ISLR2: variants seen among roughly 807,000 people sequenced by gnomAD.
The protein encoded by ISLR2 is immunoglobulin superfamily containing leucine rich repeat 2.
ISLR2 carries 16 observed loss-of-function variants against 25.5 expected under a neutral mutation model. The ratio of observed to expected loss-of-function variants is 0.63; its 90% CI spans 0.43 to 0.95. ISLR2 has a LOEUF of 0.95. Among genes scored for constraint, ISLR2 ranks in the 40% least tolerant of loss-of-function variants. ISLR2 has a pLI of 0.00. For synonymous variants in ISLR2, 508 were observed against 486.6 expected (o/e 1.04, Z -0.58); for missense variants, 883 against 1,030.7 (o/e 0.86, Z 1.96).
chr15:74,133,912 A>G lies in ISLR2; in HGVS notation c.1158A>G (p.Gly386=), dbSNP rs2072494623. The change falls in exon 3 of 3, where the codon GGA becomes GGG. Residue 386 remains glycine, a synonymous_variant. Transcript: ENST00000453268. The part of the protein sequence containing the change: ...GPPKHAPGAG[G]EPDGQAPTSE... ...CAAAACACGCGCCTGGCGCCGGGGG[A>G]GAACCCGACGGACAGGCCCCGACCT... 2 of 1,604,230 alleles carry G rather than the reference A, an allele frequency of 1.2e-6. No individual in the cohort carries two copies. The highest frequency in any genetic ancestry group is 1.7e-5 in the Admixed American group (1 of 58,374).
chr15:74,108,374 C>T (rs1195074464), intron 2 of ISLR2, among the ~76,000 whole-genome samples: 2 of 152,162 alleles, frequency 1.3e-5, no homozygotes, highest in Non-Finnish European at 2.9e-5. Flanking sequence ...TCCCCACCAG[C>T]CAGGAATTCT....
At chr15:74,118,352 T>TCACAGGAC (rs957758424) in intron 2 of ISLR2, among the ~76,000 whole-genome samples, 2 of 152,100 alleles carry the variant, frequency 1.3e-5, no homozygotes, top group African/African-American at 4.8e-5. Flanking sequence ...CAGGGCGAGA[T>TCACAGGAC]CACAGGACCA....
intron 2 of ISLR2, among the ~76,000 whole-genome samples, chr15:74,114,883 G>C (rs2072199171): frequency 6.6e-6 from 1 of 152,148 alleles, no homozygotes; most frequent in African/African-American, 2.4e-5. Context: ...AGTGGTCTTG[G>C]TGGATTGAGG....
rs1262703190 is a variant in ISLR2, at chr15:74,115,566, G to A, written n.228+11652G>A. Among the ~76,000 whole-genome samples, 6 of 152,226 alleles carry A rather than the reference G, an allele frequency of 3.9e-5. No individual in the cohort carries two copies. In the East Asian group the frequency reaches 1.2e-3, roughly 29 times the overall value. ...AAAAATTAGCCAGGCATGGTGGTAC[G>A]CAACTGTAGTCCCAGCTACTTGGGA... On this transcript the variant is annotated intron_variant and non_coding_transcript_variant, in intron 2 of 3. Coordinates refer to the ISLR2 transcript ENST00000561975.
intron 1 of ISLR2, among the ~76,000 whole-genome samples, chr15:74,102,552 G>C (rs1369668967): frequency 1.3e-5 from 2 of 150,748 alleles, no homozygotes; most frequent in African/African-American, 2.5e-5. Context: ...CACTTGCAAG[G>C]CTTGTGAAAT....
intron 2 of ISLR2, among the ~76,000 whole-genome samples, chr15:74,111,346 G>T (rs2072165990): frequency 6.6e-6 from 1 of 151,962 alleles, no homozygotes; most frequent in African/African-American, 2.4e-5. Context: ...CTGGAGTGCA[G>T]TGGCATGATC....
chr15:74,105,501 A>AG (rs1458098669), intron 2 of ISLR2, among the ~76,000 whole-genome samples: 3 of 93,146 alleles, frequency 3.2e-5, no homozygotes, highest in Non-Finnish European at 6.5e-5. Flanking sequence ...CCCGGCCAGC[A>AG]GCAGTGTGGG....
chr15:74,117,648 ACT>A (rs2072221165), intron 2 of ISLR2, among the ~76,000 whole-genome samples: 1 of 152,104 alleles, frequency 6.6e-6, no homozygotes, highest in African/African-American at 2.4e-5. Flanking sequence ...GTGCCACTGC[ACT>A]CCAGACTGGG....
intron 2 of ISLR2, chr15:74,103,934 C>T (rs1182864860): frequency 1.3e-5 from 2 of 151,852 alleles, no homozygotes; most frequent in Non-Finnish European, 2.9e-5. Flanking sequence ...CTGAGGCCTC[C>T]CCGGCCATGC....
intron 2 of ISLR2, among the ~76,000 whole-genome samples, chr15:74,109,785 C>T (rs918310574): frequency 1.3e-5 from 2 of 152,140 alleles, no homozygotes; most frequent in Non-Finnish European, 2.9e-5. Flanking sequence ...CCACTAATCA[C>T]AAATTTCCTT....
At chr15:74,115,389 G>A (rs1278423068) in intron 2 of ISLR2, among the ~76,000 whole-genome samples, 1 of 152,204 alleles carries the variant, frequency 6.6e-6, no homozygotes, top group Non-Finnish European at 1.5e-5. Flanking sequence ...ATGTCTACCA[G>A]TAAATAAAAC....
upstream of ISLR2, chr15:74,128,157 C>A (rs762211811): frequency 3.3e-6 from 1 of 299,248 alleles, no homozygotes; most frequent in African/African-American, 2.3e-5. Flanking sequence ...CGGACGGCGC[C>A]GGACGAGGTG....
chr15:74,133,938 C>T lies in ISLR2; in HGVS notation c.1184C>T (p.Ser395Phe), dbSNP rs777831915. 1.2e-6 allele frequency: 2 copies of T among 1,605,522 alleles called. No homozygotes were observed. The highest frequency in any genetic ancestry group is 1.7e-6 in the Non-Finnish European group (2 of 1,176,246). The part of the protein sequence containing the change: ...GGEPDGQAPT[S>F]ERKSTAKGRG... The stretch of plus-strand genomic sequence containing the variant: ...GAACCCGACGGACAGGCCCCGACCT[C>T]TGAGCGCAAGTCCACAGCCAAGGGC... The change falls in exon 3 of 3, where the codon TCT (serine) becomes TTT (phenylalanine). Residue 395 changes from serine to phenylalanine, a missense_variant. Physicochemically the swap from Ser to Phe is radical, Grantham distance 155 (BLOSUM62 -2). Transcript: ENST00000453268.
chr15:74,117,412 G>C (rs2072219044), intron 2 of ISLR2, among the ~76,000 whole-genome samples: 1 of 152,026 alleles, frequency 6.6e-6, no homozygotes, highest in African/African-American at 2.4e-5. Context: ...AATATCTTAG[G>C]GCTCACACCT....
At chr15:74,127,191 T>G (rs1269907194), upstream of ISLR2, 1 of 152,216 alleles carries the variant, frequency 6.6e-6, no homozygotes, top group Non-Finnish European at 1.5e-5. Context: ...CTGAGTGCAG[T>G]TGCAACAGAA....
At position 74,135,288 on chromosome 15, in the gene ISLR2, C is replaced by G. The variant is rs1002141237; in HGVS notation, c.*296C>G. On this transcript the variant is annotated 3_prime_UTR_variant, in exon 3 of 3. Transcript: ENST00000453268. ...GCAGACGGTGGGCGATATCTATGTC[C>G]CTCCATTCCCGTCGCGATTATCTGC... 2.7e-6 allele frequency: 1 copy of G among 367,774 alleles called. No individual in the cohort carries two copies. The highest frequency in any genetic ancestry group is 5.3e-6 in the Non-Finnish European group (1 of 190,158). 22.8% of individuals were successfully genotyped at this position (367,774 alleles called of 1,614,324 possible).
At chr15:74,141,817 C>A (rs370988953), downstream of ISLR2, among the ~76,000 whole-genome samples, 1 of 152,148 alleles carries the variant, frequency 6.6e-6, no homozygotes, top group Non-Finnish European at 1.5e-5. Flanking sequence ...AGTCACCAAG[C>A]CAAACCTCCT....
chr15:74,134,350 G>T lies in ISLR2; in HGVS notation c.1596G>T (p.Leu532=), dbSNP rs1280722304. 2.5e-6 allele frequency: 4 copies of T among 1,591,776 alleles called. No homozygotes were observed. The change falls in exon 3 of 3, where the codon CTG becomes CTT. Residue 532 remains leucine (L), a synonymous_variant. Transcript: ENST00000453268. ...PGRRPLRLLY[L]CPAGGGAAVQ... is the part of the protein sequence containing the mutation. ...GGCGACCCCTGCGCCTACTCTATCT[G>T]TGTCCAGCGGGGGGCGGCGCGGCAG...
upstream of ISLR2, chr15:74,127,734 C>G (rs1323782061): frequency 6.6e-6 from 1 of 152,382 alleles, no homozygotes; most frequent in Admixed American, 6.5e-5. Context: ...GGCTTGGGCC[C>G]TAGAACAGCG....
Sources: gnomAD v4.1 joint callset for allele counts (sites outside exome capture counted in the v4.1 genomes callset) on GRCh38, gnomAD v4.1.1 for gene constraint, MANE v1.5 for transcripts, NCBI Gene and HGNC (gene_info 2026-07-23, HGNC 2026-07-21) for gene names.